RBFOX1: variants seen among roughly 807,000 people sequenced by gnomAD.
RBFOX1 encodes RNA binding fox-1 homolog 1.
RBFOX1 carries 8 observed loss-of-function variants against 57.7 expected under a neutral mutation model. The observed-to-expected ratio is 0.14, with a 90% CI of 0.08 to 0.25. The LOEUF (loss-of-function observed/expected upper bound fraction) is 0.25, where lower values mean the gene tolerates loss of function less well. Ranked by LOEUF, RBFOX1 falls within the 10% of genes least tolerant of loss-of-function variation. The pLI, the probability that RBFOX1 is intolerant of heterozygous loss-of-function variation, is 1.00. For synonymous variants in RBFOX1, 326 were observed against 222.4 expected, an observed-to-expected ratio of 1.47 and a Z score of -4.15; for missense variants, 611 against 548.5, an observed-to-expected ratio of 1.11 and a Z score of -1.14.
chr16:7,329,981 G>T (rs1272705549), intron 4 of RBFOX1, among the ~76,000 whole-genome samples: 1 of 152,106 alleles, frequency 6.6e-6, no homozygotes, highest in Non-Finnish European at 1.5e-5. Flanking sequence ...CTGAGAAACT[G>T]GTCAGGCAAT....
chr16:6,764,251 C>G (rs897884760), intron 3 of RBFOX1, among the ~76,000 whole-genome samples: 1 of 152,178 alleles, frequency 6.6e-6, no homozygotes, highest in Non-Finnish European at 1.5e-5. Flanking sequence ...ATTGGCTGGA[C>G]TTGAAAGCAC....
Position 6,981,495 on chromosome 16 carries a change from G to C in RBFOX1, c.-15-70562G>C, listed in dbSNP as rs373701157. 2.6e-5 allele frequency among the ~76,000 whole-genome samples: 4 copies of C among 152,230 alleles called. No individual in the cohort carries two copies. In the South Asian group the frequency reaches 8.3e-4, roughly 32 times the overall value. On this transcript the variant is annotated intron_variant, in intron 3 of 15. Transcript: ENST00000550418. ...CACAGATTCTTTATCCAGTGTATTAGTCTGTTCTCATGCTGCTAATAAAGA... is the reference window on the plus strand; with the variant it reads ...CACAGATTCTTTATCCAGTGTATTACTCTGTTCTCATGCTGCTAATAAAGA...
chr16:7,476,528 A>G (rs1447908419), intron 4 of RBFOX1, among the ~76,000 whole-genome samples: 1 of 152,238 alleles, frequency 6.6e-6, no homozygotes, highest in African/African-American at 2.4e-5. Flanking sequence ...CTCAGAAGAT[A>G]CAAGAGGAAA....
At chr16:6,664,090 G>C (rs778591855) in intron 3 of RBFOX1, among the ~76,000 whole-genome samples, 3 of 152,180 alleles carry the variant, frequency 2.0e-5, no homozygotes, top group Non-Finnish European at 4.4e-5. Flanking sequence ...TTGTCTTATA[G>C]AGTCTACTTG....
chr16:7,184,833 C>G (rs1026144397), intron 4 of RBFOX1, among the ~76,000 whole-genome samples: 1 of 152,088 alleles, frequency 6.6e-6, no homozygotes, highest in Admixed American at 6.6e-5. Flanking sequence ...GATCCTTGCC[C>G]TTTAGGTGTG....
chr16:6,992,519 A>T (rs1417003944), intron 3 of RBFOX1, among the ~76,000 whole-genome samples: 1 of 151,988 alleles, frequency 6.6e-6, no homozygotes, highest in East Asian at 1.9e-4. Flanking sequence ...CAGCCTAGCA[A>T]TTCCTTAAGT....
chr16:7,684,140 A>G (rs982908103), intron 14 of RBFOX1, among the ~76,000 whole-genome samples: 2 of 152,102 alleles, frequency 1.3e-5, no homozygotes, highest in Non-Finnish European at 2.9e-5. Context: ...ACTGATTTCT[A>G]TTTCAATGTG....
At position 6,525,825 on chromosome 16, in the gene RBFOX1, C is replaced by T. The variant is rs138111082; in HGVS notation, c.-63-128778C>T. On this transcript the variant is annotated intron_variant, in intron 2 of 15. Coordinates refer to ENST00000550418, the MANE Select transcript of RBFOX1 (RefSeq NM_018723.4). ...GAGCTTTTCTCCCATAACTTAAGCG[C>T]TTCATAAAGGCAATTCACAACTAAG... Among the ~76,000 whole-genome samples, 359 of 152,062 alleles carry T rather than the reference C, an allele frequency of 2.4e-3. 3 individuals are homozygous for T. The highest frequency in any genetic ancestry group is 8.4e-3 in the African/African-American group (347 of 41,470).
intron 3 of RBFOX1, among the ~76,000 whole-genome samples, chr16:6,903,350 G>A (rs1377670390): frequency 6.6e-6 from 1 of 152,178 alleles, no homozygotes; most frequent in Non-Finnish European, 1.5e-5. Flanking sequence ...TGCTTATAAA[G>A]CAAGAATGAT....
intron 3 of RBFOX1, among the ~76,000 whole-genome samples, chr16:5,682,203 A>C (rs1792611165): frequency 6.6e-6 from 1 of 152,214 alleles, no homozygotes; most frequent in Non-Finnish European, 1.5e-5. Flanking sequence ...AGTTTGCTCC[A>C]ATGAGAGATT....
At chr16:5,852,540 A>G (rs1671159403) in intron 3 of RBFOX1, among the ~76,000 whole-genome samples, 2 of 152,212 alleles carry the variant, frequency 1.3e-5, no homozygotes, top group African/African-American at 4.8e-5. Flanking sequence ...AGGTCAATGC[A>G]TAACTGTTGT....
At chr16:5,320,630 A>G (rs987977303) in intron 1 of RBFOX1, among the ~76,000 whole-genome samples, 2 of 152,208 alleles carry the variant, frequency 1.3e-5, no homozygotes, top group South Asian at 4.1e-4. Context: ...TTTGTTCTGA[A>G]TCTCAGGAGA....
chr16:6,363,542 G>A (rs981187517), intron 2 of RBFOX1, among the ~76,000 whole-genome samples: 3 of 152,174 alleles, frequency 2.0e-5, no homozygotes, highest in East Asian at 1.9e-4. Flanking sequence ...CACTTCTGCC[G>A]GTTTAAATAG....
At position 7,144,320 on chromosome 16, in the gene RBFOX1, G is replaced by A. The variant is rs150139103; in HGVS notation, c.27+92222G>A. On this transcript the variant is annotated intron_variant, in intron 4 of 15. Coordinates refer to ENST00000550418, the MANE Select transcript of RBFOX1 (RefSeq NM_018723.4). ...CACAAAGATAACACCATTTTGTACCGTCACTTTAGGGTTCACACTTTCTGG... is the reference window on the plus strand; with the variant it reads ...CACAAAGATAACACCATTTTGTACCATCACTTTAGGGTTCACACTTTCTGG... 3.1e-3 allele frequency among the ~76,000 whole-genome samples: 468 copies of A among 151,482 alleles called. 6 individuals are homozygous for A. The highest frequency in any genetic ancestry group is 0.011 in the African/African-American group (446 of 41,264).
intron 9 of RBFOX1, among the ~76,000 whole-genome samples, chr16:7,603,518 A>G (rs950349148): frequency 2.0e-5 from 3 of 152,160 alleles, no homozygotes; most frequent in African/African-American, 7.2e-5. Flanking sequence ...TCCAAGAGTA[A>G]CTCTAAGAGG....
At chr16:6,688,377 C>T (rs1046899573) in intron 3 of RBFOX1, among the ~76,000 whole-genome samples, 1 of 152,122 alleles carries the variant, frequency 6.6e-6, no homozygotes, top group Non-Finnish European at 1.5e-5. Flanking sequence ...GCCCCACCTT[C>T]AACAGTGAGG....
chr16:7,583,603 A>G (rs1331799783), intron 6 of RBFOX1, among the ~76,000 whole-genome samples: 3 of 152,212 alleles, frequency 2.0e-5, no homozygotes, highest in African/African-American at 7.2e-5. Context: ...GAATTGTCAG[A>G]AACAGTTGCT....
At chr16:7,021,431 T>C (rs1300026167) in intron 3 of RBFOX1, among the ~76,000 whole-genome samples, 1 of 141,602 alleles carries the variant, frequency 7.1e-6, no homozygotes, top group Non-Finnish European at 1.6e-5. Context: ...TATATTTGTA[T>C]ATATGTTTTA....
chr16:6,710,769 T>G (rs891496493), intron 3 of RBFOX1, among the ~76,000 whole-genome samples: 3 of 152,222 alleles, frequency 2.0e-5, no homozygotes, highest in African/African-American at 7.2e-5. Flanking sequence ...ACCCCAAGCC[T>G]TAGGTGGCCC....
Sources: gnomAD v4.1 joint callset for allele counts (sites outside exome capture counted in the v4.1 genomes callset) on GRCh38, gnomAD v4.1.1 for gene constraint, MANE v1.5 for transcripts, NCBI Gene and HGNC (gene_info 2026-07-23, HGNC 2026-07-21) for gene names.